The following STK10 variants were observed in gnomAD, a reference collection of about 807,000 sequenced individuals.
STK10 encodes serine/threonine kinase 10, also known as serine/threonine-protein kinase 10.
A neutral mutation model predicts 113.8 loss-of-function variants in STK10; 78 were observed. That is an observed-to-expected ratio of 0.69 (90% CI 0.57 to 0.83). The LOEUF is 0.83. STK10 is among the 40% of genes least tolerant of loss of function. The pLI, the probability that STK10 is intolerant of heterozygous loss-of-function variation, is 0.00. For synonymous variants in STK10, 465 were observed against 494.7 expected, an observed-to-expected ratio of 0.94 and a Z score of 0.80; for missense variants, 1,109 against 1,280.1, an observed-to-expected ratio of 0.87 and a Z score of 2.04.
intron 7 of STK10, 41 bp from the exon 8 acceptor site, chr5:172,096,601 GT>G (rs1768862135): frequency 6.2e-7 from 1 of 1,604,276 alleles, no homozygotes; most frequent in Admixed American, 1.7e-5. Context: ...CCACTCTGGG[GT>G]CACGGTGGGG....
At chr5:172,069,692 T>C (rs1293377569) in intron 12 of STK10, among the ~76,000 whole-genome samples, 2 of 152,142 alleles carry the variant, frequency 1.3e-5, no homozygotes, top group Non-Finnish European at 2.9e-5. Context: ...GAATGAGAAA[T>C]AGATAAATCC....
At chr5:172,180,024 C>T (rs1721885490) in intron 1 of STK10, among the ~76,000 whole-genome samples, 1 of 152,214 alleles carries the variant, frequency 6.6e-6, no homozygotes. Context: ...GCCAAGGCCC[C>T]CTGTGCACTT....
At chr5:172,096,122 CA>C (rs1285898597) in intron 8 of STK10, among the ~76,000 whole-genome samples, 1 of 152,130 alleles carries the variant, frequency 6.6e-6, no homozygotes, top group African/African-American at 2.4e-5. Context: ...GTGACAGGAA[CA>C]AAGGATGGGA....
chr5:172,088,161 C>G lies in STK10; in HGVS notation c.1685+2071G>C, dbSNP rs142995560. On this transcript the variant is annotated intron_variant, in intron 10 of 18. Transcript: ENST00000176763. Reference sequence around the variant, plus strand: ...CTGGGCTCAAGTGATCCTCTCACTTCAGCCTCCCAAAGTGCTGAAATTACA... The same window carrying G: ...CTGGGCTCAAGTGATCCTCTCACTTGAGCCTCCCAAAGTGCTGAAATTACA... Among the ~76,000 whole-genome samples the G allele has an allele frequency of 2.3e-3, 347 of 152,218 alleles. 2 individuals are homozygous for G. Among genetic ancestry groups the G allele is most frequent in the African/African-American group, 7.3e-3 (305 of 41,544 alleles).
At chr5:172,185,822 G>A (rs746482043) in intron 1 of STK10, among the ~76,000 whole-genome samples, 19 of 152,236 alleles carry the variant, frequency 1.2e-4, no homozygotes, top group Non-Finnish European at 1.5e-4. Flanking sequence ...ACGTGCTGAG[G>A]ACAGGGTGAG....
rs1018290808 is a variant in STK10 at position 172,120,788 on chromosome 5, C to CA, written c.371-3159dup. Among the ~76,000 whole-genome samples the CA allele has an allele frequency of 2.6e-5, 4 of 151,934 alleles. No individual in the cohort carries two copies. The highest frequency in any genetic ancestry group is 9.7e-5 in the African/African-American group (4 of 41,360). Reference sequence around the variant, plus strand: ...ATATGTGCCGCAATCTTTTTAATGGCAAAAATGTGTCTTGCTCATGTCTAA... The same window carrying CA: ...ATATGTGCCGCAATCTTTTTAATGGCAAAAAATGTGTCTTGCTCATGTCTAA... On this transcript the variant is annotated intron_variant, in intron 3 of 18. Coordinates refer to ENST00000176763, the MANE Select transcript of STK10 (RefSeq NM_005990.4). This position sits in a 1 kb window ranked among gnomAD's most constrained non-coding sequence, Gnocchi z 4.0.
chr5:172,095,679 A>C (rs1017965050), intron 8 of STK10, among the ~76,000 whole-genome samples: 4 of 152,212 alleles, frequency 2.6e-5, no homozygotes. Context: ...GGCTCCACCC[A>C]GGACTGAATT....
chr5:172,166,720 T>C (rs945605529), intron 1 of STK10, among the ~76,000 whole-genome samples: 2 of 152,236 alleles, frequency 1.3e-5, no homozygotes, highest in Non-Finnish European at 2.9e-5. Context: ...GACGATGTAG[T>C]AAAATGGGTG....
intron 18 of STK10, among the ~76,000 whole-genome samples, chr5:172,046,231 G>A (rs1296868433): frequency 1.3e-5 from 2 of 151,436 alleles, no homozygotes; most frequent in Non-Finnish European, 2.9e-5. Context: ...CTGGTAGTGT[G>A]TGCCTGTAAT....
chr5:172,086,783 G>A (rs1209836662), intron 10 of STK10, among the ~76,000 whole-genome samples: 1 of 152,190 alleles, frequency 6.6e-6, no homozygotes, highest in Non-Finnish European at 1.5e-5. Context: ...GCAGGCAAGC[G>A]AGAAAATCCC....
At chr5:172,186,225 G>A (rs1266956856) in intron 1 of STK10, among the ~76,000 whole-genome samples, 2 of 152,194 alleles carry the variant, frequency 1.3e-5, no homozygotes, top group African/African-American at 4.8e-5. Context: ...AGTGAGGGCC[G>A]AGATCAAACC....
At position 172,187,766 on chromosome 5, in the gene STK10, C is replaced by G; in HGVS notation, c.156+121G>C. The G allele has an allele frequency of 7.0e-7, 1 of 1,420,752 alleles. No individual in the cohort carries two copies. The highest frequency in any genetic ancestry group is 9.5e-7 in the Non-Finnish European group (1 of 1,054,368). The allele number at this position is 1,420,752 out of a possible 1,614,324, so 88.0% of individuals were successfully genotyped here. On this transcript the variant is annotated intron_variant, in intron 1 of 18. Transcript: ENST00000176763. The surrounding 1 kb of genome is among the most constrained non-coding windows in gnomAD (Gnocchi z 4.6). Reference sequence around the variant, plus strand: ...GAGTCATCGGGATGAGGGCCAGGGACCCCGAATTCAGCGCCGGGCAGCCCT... The same window carrying G: ...GAGTCATCGGGATGAGGGCCAGGGAGCCCGAATTCAGCGCCGGGCAGCCCT...
intron 12 of STK10, among the ~76,000 whole-genome samples, chr5:172,065,117 T>C (rs1768041493): frequency 6.6e-6 from 1 of 152,196 alleles, no homozygotes; most frequent in Non-Finnish European, 1.5e-5. Flanking sequence ...GAAGTGTTTC[T>C]CAACCTTTTT....
intron 10 of STK10, among the ~76,000 whole-genome samples, chr5:172,084,903 T>G (rs1319211807): frequency 2.6e-5 from 4 of 152,194 alleles, no homozygotes. Flanking sequence ...TTGGATTTTT[T>G]GATTTGGGAT....
At chr5:172,167,012 T>C (rs925504620) in intron 1 of STK10, among the ~76,000 whole-genome samples, 6 of 151,764 alleles carry the variant, frequency 4.0e-5, no homozygotes, top group African/African-American at 1.4e-4. Context: ...ATACAAAAAT[T>C]AGCCAGGCAA....
intron 1 of STK10, among the ~76,000 whole-genome samples, chr5:172,166,416 C>T (rs1770572995): frequency 6.6e-6 from 1 of 152,130 alleles, no homozygotes; most frequent in Admixed American, 6.5e-5. Context: ...TGGGGCTGTT[C>T]CAGCAAGGAA....
At chr5:172,164,244 G>C (rs577255500) in intron 1 of STK10, among the ~76,000 whole-genome samples, 1 of 145,174 alleles carries the variant, frequency 6.9e-6, no homozygotes, top group Admixed American at 6.9e-5. Context: ...AAATTGGCAT[G>C]TGATCAAGTC....
rs184358239 is a variant in STK10, at chr5:172,182,841, C to T, written c.156+5046G>A. ...TGCTGAGATTACAGGTGTGAGCCACCGCGCCCGGCCAATTTTTTGTATTTT... is the reference window on the plus strand; with the variant it reads ...TGCTGAGATTACAGGTGTGAGCCACTGCGCCCGGCCAATTTTTTGTATTTT... On this transcript the variant is annotated intron_variant, in intron 1 of 18. Coordinates refer to ENST00000176763, the MANE Select transcript of STK10 (RefSeq NM_005990.4). 2.2e-4 allele frequency among the ~76,000 whole-genome samples: 34 copies of T among 152,160 alleles called. No homozygotes were observed. The East Asian group carries it at 5.8e-3, about 26-fold the overall frequency.
At chr5:172,079,870 A>T (rs1026176492) in intron 12 of STK10, among the ~76,000 whole-genome samples, 6 of 151,916 alleles carry the variant, frequency 3.9e-5, no homozygotes, top group Non-Finnish European at 5.9e-5. Context: ...CTGCATTAAA[A>T]TTTTTTTTAT....
Sources: gnomAD v4.1 joint callset for allele counts (sites outside exome capture counted in the v4.1 genomes callset) on GRCh38, gnomAD v4.1.1 for gene constraint, Gnocchi (gnomAD v3.1) non-coding constraint, MANE v1.5 for transcripts, NCBI Gene and HGNC (gene_info 2026-07-23, HGNC 2026-07-21) for gene names.